The following CSMD1 variants were observed in gnomAD, a reference collection of about 807,000 sequenced individuals.
The protein encoded by CSMD1 is CUB and Sushi multiple domains 1.
Under a neutral mutation model 417.5 loss-of-function variants are expected in CSMD1, and 213 were observed. The ratio of observed to expected loss-of-function variants is 0.51; its 90% CI spans 0.46 to 0.57. The LOEUF (loss-of-function observed/expected upper bound fraction) is 0.57. CSMD1 is among the 20% of genes least tolerant of loss of function. CSMD1 has a pLI of 0.00. For missense variants in CSMD1, 6,923 were observed against 4,529.7 expected (o/e 1.53, Z -15.17); for synonymous variants, 2,862 against 1,736.8 (o/e 1.65, Z -16.11).
At chr8:4,708,721 T>C (rs945826038) in intron 1 of CSMD1, among the ~76,000 whole-genome samples, 2 of 152,192 alleles carry the variant, frequency 1.3e-5, no homozygotes, top group African/African-American at 4.8e-5. Context: ...GGTGGAATTG[T>C]GACCCCCTAA....
intron 6 of CSMD1, among the ~76,000 whole-genome samples, chr8:3,717,888 G>C (rs1308050808): frequency 1.3e-5 from 2 of 152,038 alleles, no homozygotes; most frequent in Non-Finnish European, 2.9e-5. Flanking sequence ...ATTCTGCTCA[G>C]TTTCCAAGAA....
chr8:3,840,560 C>T (rs1803062061), intron 5 of CSMD1, among the ~76,000 whole-genome samples: 1 of 152,046 alleles, frequency 6.6e-6, no homozygotes, highest in African/African-American at 2.4e-5. Context: ...AAAATGCAAG[C>T]ATGCCTCCTT....
intron 26 of CSMD1, among the ~76,000 whole-genome samples, chr8:3,280,977 G>A (rs1306047532): frequency 6.6e-6 from 1 of 152,106 alleles, no homozygotes; most frequent in African/African-American, 2.4e-5. Context: ...AAAAGGCCAG[G>A]AGTAAAATGA....
chr8:3,554,028 G>C (rs1333069020), intron 10 of CSMD1, among the ~76,000 whole-genome samples: 1 of 152,164 alleles, frequency 6.6e-6, no homozygotes, highest in Non-Finnish European at 1.5e-5. Flanking sequence ...AAAAAAATAA[G>C]TAAACATTAT....
chr8:4,615,269 G>A (rs922728385), intron 2 of CSMD1, among the ~76,000 whole-genome samples: 2 of 152,178 alleles, frequency 1.3e-5, no homozygotes, highest in Non-Finnish European at 2.9e-5. Context: ...GAGAGCTTAA[G>A]GCACTATGAA....
intron 1 of CSMD1, among the ~76,000 whole-genome samples, chr8:4,927,109 A>ATTATTG (rs1359435719): frequency 1.3e-5 from 2 of 149,034 alleles, no homozygotes; most frequent in Non-Finnish European, 3.0e-5. Flanking sequence ...TATTATTATT[A>ATTATTG]TTATTATTAT....
chr8:4,630,398 T>C (rs533389778), intron 2 of CSMD1, among the ~76,000 whole-genome samples: 3 of 152,114 alleles, frequency 2.0e-5, no homozygotes, highest in African/African-American at 7.2e-5. Flanking sequence ...AATCTCACCC[T>C]TGAATCTCTG....
intron 7 of CSMD1, among the ~76,000 whole-genome samples, chr8:3,701,667 A>T (rs1038370085): frequency 1.3e-5 from 2 of 152,226 alleles, no homozygotes; most frequent in South Asian, 2.1e-4. Flanking sequence ...TATTTTCTGA[A>T]GTATATTTTG....
At chr8:4,538,141 G>C (rs1478111537) in intron 2 of CSMD1, among the ~76,000 whole-genome samples, 2 of 151,588 alleles carry the variant, frequency 1.3e-5, no homozygotes, top group East Asian at 1.9e-4. Flanking sequence ...GATGTCATTT[G>C]GCACAGGTAT....
At chr8:3,341,691 A>T (rs890857660) in intron 23 of CSMD1, among the ~76,000 whole-genome samples, 2 of 152,168 alleles carry the variant, frequency 1.3e-5, no homozygotes, top group Non-Finnish European at 2.9e-5. Flanking sequence ...TTGTAAGAAA[A>T]AGCAACGAAA....
intron 1 of CSMD1, among the ~76,000 whole-genome samples, chr8:4,853,033 C>T (rs1346765616): frequency 6.6e-6 from 1 of 152,096 alleles, no homozygotes; most frequent in Non-Finnish European, 1.5e-5. Context: ...AAAGTTGGTA[C>T]TTATATTTAA....
At chr8:3,791,772 G>A (rs970575384) in intron 5 of CSMD1, among the ~76,000 whole-genome samples, 9 of 152,056 alleles carry the variant, frequency 5.9e-5, no homozygotes, top group East Asian at 1.9e-4. Context: ...GCAGTGAGCC[G>A]ACGTCGCAGC....
intron 41 of CSMD1, among the ~76,000 whole-genome samples, chr8:3,140,786 T>C (rs1237765568): frequency 6.6e-6 from 1 of 152,186 alleles, no homozygotes; most frequent in Non-Finnish European, 1.5e-5. Context: ...TCTAGCAATA[T>C]TCAAGGAAAG....
At chr8:4,645,390 T>G (rs1803454715) in intron 1 of CSMD1, among the ~76,000 whole-genome samples, 1 of 126,438 alleles carries the variant, frequency 7.9e-6, no homozygotes. Flanking sequence ...AGTCATTCAG[T>G]GTGTACCCAC....
intron 21 of CSMD1, 64 bp downstream of exon 21, chr8:3,359,088 G>C (rs903840310): frequency 6.5e-6 from 10 of 1,535,814 alleles, no homozygotes; most frequent in African/African-American, 1.4e-5. Flanking sequence ...ACCACCCTAG[G>C]CTTCTTGCCT....
chr8:4,928,209 G>A (rs1225097413), intron 1 of CSMD1, among the ~76,000 whole-genome samples: 1 of 152,202 alleles, frequency 6.6e-6, no homozygotes, highest in East Asian at 1.9e-4. Context: ...CCAAGAAGCT[G>A]ACCAGCATGT....
Position 3,011,397 on chromosome 8 carries a change from T to C in CSMD1, c.8029+7080A>G, listed in dbSNP as rs182819719. Reference sequence around the variant, plus strand: ...ATATAAGCATTATCATAATCAGTTGTTTTATTAAATATTTTATGTGGATCT... The same window carrying C: ...ATATAAGCATTATCATAATCAGTTGCTTTATTAAATATTTTATGTGGATCT... On this transcript the variant is annotated intron_variant, in intron 52 of 69. Transcript: ENST00000635120. Among the ~76,000 whole-genome samples the C allele has an allele frequency of 2.8e-3, 427 of 152,266 alleles. 1 individual carries two copies. The highest frequency in any genetic ancestry group is 9.5e-3 in the African/African-American group (396 of 41,532).
At chr8:4,793,017 C>G (rs976655656) in intron 1 of CSMD1, among the ~76,000 whole-genome samples, 1 of 151,416 alleles carries the variant, frequency 6.6e-6, no homozygotes, top group East Asian at 1.9e-4. Flanking sequence ...TCTCCACACA[C>G]ATACATAAGC....
chr8:4,636,251 C>G (rs1025294769), intron 2 of CSMD1, among the ~76,000 whole-genome samples: 5 of 151,844 alleles, frequency 3.3e-5, no homozygotes, highest in African/African-American at 1.2e-4. Flanking sequence ...CTTCCTTTGC[C>G]AAATTGAAAA....
Sources: gnomAD v4.1 joint callset for allele counts (sites outside exome capture counted in the v4.1 genomes callset) on GRCh38, gnomAD v4.1.1 for gene constraint, MANE v1.5 for transcripts, NCBI Gene and HGNC (gene_info 2026-07-23, HGNC 2026-07-21) for gene names.